The following FMN2 variants were observed in gnomAD, a reference collection of about 807,000 sequenced individuals.
The protein encoded by FMN2 is formin-2.
Under a neutral mutation model 142.3 loss-of-function variants are expected in FMN2, and 51 were observed. That is an observed-to-expected ratio of 0.36 (90% CI 0.29 to 0.45). FMN2 has a LOEUF of 0.45. Among genes scored for constraint, FMN2 ranks in the 20% least tolerant of loss-of-function variants. FMN2 has a pLI of 1.00. For synonymous variants in FMN2, 882 were observed against 869.8 expected (o/e 1.01, Z -0.25); for missense variants, 1,936 against 2,122.8 (o/e 0.91, Z 1.73).
At chr1:240,170,293 A>C in intron 2 of FMN2, 1 of 1,102,358 alleles carries the variant, frequency 9.1e-7, no homozygotes, top group Non-Finnish European at 1.4e-6. Context: ...GATCATTGCC[A>C]CTGCAGTTTG....
intron 8 of FMN2, among the ~76,000 whole-genome samples, chr1:240,328,167 A>AAAAAAAG (rs1558435720): frequency 2.1e-5 from 3 of 141,162 alleles, no homozygotes; most frequent in Admixed American, 7.0e-5. Flanking sequence ...AAAAAAAAAA[A>AAAAAAAG]AAAAAGAAAA....
At chr1:240,293,503 C>A (rs1669861703) in intron 7 of FMN2, among the ~76,000 whole-genome samples, 1 of 151,998 alleles carries the variant, frequency 6.6e-6, no homozygotes. Context: ...GGGTTTTGTG[C>A]CTTTTCTTAC....
At chr1:240,297,453 G>A (rs572955236) in intron 8 of FMN2, among the ~76,000 whole-genome samples, 1 of 151,890 alleles carries the variant, frequency 6.6e-6, no homozygotes, top group African/African-American at 2.4e-5. Flanking sequence ...CATAAGCCAG[G>A]CATGGTGGCC....
intron 2 of FMN2, chr1:240,171,039 G>A (rs1664683362): frequency 9.8e-7 from 1 of 1,016,680 alleles, no homozygotes; most frequent in Non-Finnish European, 1.6e-6. Context: ...GCGTCAGTGT[G>A]GTGGTTGGAG....
chr1:240,239,353 T>C (rs7550088), intron 6 of FMN2, among the ~76,000 whole-genome samples: 93,020 of 152,000 alleles, frequency 0.61, 28,885 homozygotes, highest in Middle Eastern at 0.67. Flanking sequence ...ATATATGATC[T>C]CTGAAAATGA....
At chr1:240,448,173 GA>G (rs569967561) in intron 16 of FMN2, among the ~76,000 whole-genome samples, 2 of 152,050 alleles carry the variant, frequency 1.3e-5, no homozygotes, top group Non-Finnish European at 2.9e-5. Context: ...AAATCTGCTG[GA>G]AAAAGCTATT....
intron 7 of FMN2, among the ~76,000 whole-genome samples, chr1:240,266,186 T>TA: frequency 7.8e-6 from 1 of 128,056 alleles, no homozygotes. Context: ...CTTTGTCCCT[T>TA]TCTCCCCCAT....
At chr1:240,159,974 T>TATATACACACACACAC (rs1202421069) in intron 2 of FMN2, among the ~76,000 whole-genome samples, 118 of 134,072 alleles carry the variant, frequency 8.8e-4, no homozygotes, top group Admixed American at 2.4e-3. Context: ...TATATATATA[T>TATATACACACACACAC]ACACACACAC....
Position 240,098,097 on chromosome 1 carries a change from A to ATTTTTTTTTTTTTTT in FMN2, c.1615+4380_1615+4394dup, listed in dbSNP as rs35191164. 3.0e-3 allele frequency among the ~76,000 whole-genome samples: 300 copies of ATTTTTTTTTTTTTTT among 98,602 alleles called. 21 individuals carry two copies. Among genetic ancestry groups the ATTTTTTTTTTTTTTT allele is most frequent in the African/African-American group, 8.3e-3 (181 of 21,814 alleles). The allele number at this position is 98,602 out of a possible 152,430, so 64.7% of individuals were successfully genotyped here. ...TTGGCCTTTCTAAAGGTTATCTTGA[A>ATTTTTTTTTTTTTTT]TTTTTTTTTTTTTTTTTTTTTGGAG... On this transcript the variant is annotated intron_variant, in intron 1 of 17. Coordinates refer to ENST00000319653, the MANE Select transcript of FMN2 (RefSeq NM_020066.5).
intron 6 of FMN2, among the ~76,000 whole-genome samples, chr1:240,212,126 G>A (rs1287003944): frequency 1.3e-5 from 2 of 152,152 alleles, no homozygotes; most frequent in East Asian, 1.9e-4. Context: ...TCCTTGCCCA[G>A]TAGCCCCATA....
At chr1:240,137,642 T>C (rs1328275892) in intron 2 of FMN2, among the ~76,000 whole-genome samples, 1 of 152,214 alleles carries the variant, frequency 6.6e-6, no homozygotes, top group African/African-American at 2.4e-5. Context: ...CTTGTTCTTG[T>C]GTAGCTTACT....
At chr1:240,449,533 T>C (rs1233600679) in intron 16 of FMN2, among the ~76,000 whole-genome samples, 2 of 152,184 alleles carry the variant, frequency 1.3e-5, no homozygotes, top group Non-Finnish European at 2.9e-5. Context: ...CCAGTGAAGA[T>C]TAACCATGCT....
At chr1:240,097,647 G>A (rs150555480) in intron 1 of FMN2, among the ~76,000 whole-genome samples, 94 of 152,226 alleles carry the variant, frequency 6.2e-4, no homozygotes, top group African/African-American at 2.1e-3. Flanking sequence ...GAGCCACCGC[G>A]CCCGGCTATA....
At chr1:240,396,303 CGTGTGTGTGTGTGT>C (rs57641655) in intron 15 of FMN2, among the ~76,000 whole-genome samples, 59 of 142,810 alleles carry the variant, frequency 4.1e-4, no homozygotes, top group South Asian at 1.2e-3. Context: ...CCGAGGTTTT[CGTGTGTGTGTGTGT>C]GTGTGTGTGT....
chr1:240,423,800 T>G (rs774412668), intron 15 of FMN2, among the ~76,000 whole-genome samples: 16 of 152,176 alleles, frequency 1.1e-4, no homozygotes, highest in Admixed American at 2.0e-4. Context: ...CCCTTCAACA[T>G]AAACATCACA....
chr1:240,434,094 C>CCAGA (rs1217156673), intron 15 of FMN2, among the ~76,000 whole-genome samples: 1 of 152,172 alleles, frequency 6.6e-6, no homozygotes, highest in African/African-American at 2.4e-5. Flanking sequence ...ATTTAAGAAT[C>CCAGA]CAGACCACAG....
intron 14 of FMN2, among the ~76,000 whole-genome samples, chr1:240,363,277 T>C (rs917676669): frequency 6.6e-6 from 1 of 152,260 alleles, no homozygotes; most frequent in Non-Finnish European, 1.5e-5. Context: ...TTTGGTGTAA[T>C]CTCCCTTCAT....
At chr1:240,184,582 G>T (rs1665314580) in intron 3 of FMN2, among the ~76,000 whole-genome samples, 1 of 150,398 alleles carries the variant, frequency 6.6e-6, no homozygotes, top group African/African-American at 2.5e-5. Flanking sequence ...GGTGAAGGAG[G>T]TGGCCATTTT....
Position 240,091,948 on chromosome 1 carries a change from G to A in FMN2, c.-162G>A. Reference sequence around the variant, plus strand: ...CGCATTATGCAAAGCGGCGGCAGATGCGAGCGGGGCCAGCCGGGCGCGCGT... The same window carrying A: ...CGCATTATGCAAAGCGGCGGCAGATACGAGCGGGGCCAGCCGGGCGCGCGT... On this transcript the variant is annotated 5_prime_UTR_variant, in exon 1 of 18. It removes an upstream start codon present in the reference 5' UTR. Transcript: ENST00000319653. 3 of 1,224,456 alleles carry A rather than the reference G, an allele frequency of 2.5e-6. No homozygotes were observed. The highest frequency in any genetic ancestry group is 3.2e-6 in the Non-Finnish European group (3 of 940,382). 75.8% of individuals were successfully genotyped at this position (1,224,456 alleles called of 1,614,324 possible).
Sources: gnomAD v4.1 joint callset for allele counts (sites outside exome capture counted in the v4.1 genomes callset) on GRCh38, gnomAD v4.1.1 for gene constraint, MANE v1.5 for transcripts, NCBI Gene and HGNC (gene_info 2026-07-23, HGNC 2026-07-21) for gene names.